SF3A1: variants seen among roughly 807,000 people sequenced by gnomAD.
SF3A1 encodes SAP 114.
In SF3A1, 13 loss-of-function variants were observed where a neutral mutation model predicts 89.9. The observed-to-expected ratio is 0.14, with a 90% confidence interval of 0.09 to 0.23. SF3A1 has a LOEUF of 0.23. Among genes scored for constraint, SF3A1 ranks in the 10% least tolerant of loss-of-function variants. SF3A1 has a pLI of 1.00. For missense variants in SF3A1, 604 were observed against 1,022.1 expected, an observed-to-expected ratio of 0.59 and a Z score of 5.58; for synonymous variants, 405 against 374.4, an observed-to-expected ratio of 1.08 and a Z score of -0.94.
rs1601690441 is a variant in SF3A1 at position 30,337,113 on chromosome 22, T to G, written c.2019A>C (p.Pro673=). ...AGGTGGGCTCATCTTCCATGGGAGG[T>G]GGGGGATGCACAGGGGGCATTGGGG... is the stretch of plus-strand genomic sequence containing the variant. ...APAPMPPVHP[P]PPMEDEPTSK... Residue 673 remains proline, a synonymous_variant, in exon 13 of 16, where the codon CCA becomes CCC. Transcript: ENST00000215793. 6.2e-7 allele frequency: 1 copy of G among 1,612,892 alleles called. No homozygotes were observed.
In SF3A1 at chr22:30,356,843, C is replaced by A. The variant is rs1931897263; in HGVS notation, c.-51G>T. ...CCGCCTCGGTGTCGGTGAGCGGTGC[C>A]GCCTCAAGACAGCCTCCCCGCTCGG... On this transcript the variant is annotated 5_prime_UTR_variant, in exon 1 of 16. Transcript: ENST00000215793. 3.1e-6 allele frequency: 4 copies of A among 1,279,424 alleles called. No homozygotes were observed. Among genetic ancestry groups the A allele is most frequent in the African/African-American group, 3.1e-5 (2 of 64,778 alleles). The allele number at this position is 1,279,424 out of a possible 1,614,324, so 79.3% of individuals were successfully genotyped here.
intron 7 of SF3A1, 37 bp downstream of exon 7, chr22:30,341,655 G>A (rs1415689405): frequency 1.9e-6 from 3 of 1,584,896 alleles, no homozygotes; most frequent in East Asian, 2.2e-5. Context: ...GGGCTTCAGG[G>A]GAAAAGGTCA....
At chr22:30,341,983 T>C (rs1016962805) in intron 6 of SF3A1, 98 bp from the exon 7 acceptor site, 1 of 1,272,442 alleles carries the variant, frequency 7.9e-7, no homozygotes, top group Admixed American at 2.3e-5. Flanking sequence ...CTGTTTTCTC[T>C]CCAGCTATCT....
chr22:30,337,798 C>T lies in SF3A1; in HGVS notation c.1843G>A (p.Ala615Thr), dbSNP rs750172653. The change falls in exon 12 of 16, where the codon GCC becomes ACC. Residue 615 changes from alanine to threonine, a missense_variant. Around this residue, in one of 9 missense-constraint regions of SF3A1, gnomAD observed 85 missense variants for 137.3 expected, o/e 0.62. Coordinates refer to ENST00000215793, the MANE Select transcript of SF3A1 (RefSeq NM_005877.6). ...VVRLPPGSVI[A>T]PMPPIIHAPR... is the part of the protein sequence containing the mutation. ...GCGTGGATGATGGGCGGCATGGGGG[C>T]GATCACTGAGCCTGGGGGCAGCCGG... 1.3e-4 allele frequency: 209 copies of T among 1,600,328 alleles called. No individual in the cohort carries two copies. The highest frequency in any genetic ancestry group is 1.7e-4 in the Non-Finnish European group (196 of 1,174,164).
intron 1 of SF3A1, 59 bp downstream of exon 1, chr22:30,356,671 G>C: frequency 2.3e-6 from 3 of 1,304,368 alleles, no homozygotes; most frequent in Non-Finnish European, 3.1e-6. Context: ...ATTCCTGTGC[G>C]AGTAAGGAGC....
In SF3A1 at chr22:30,333,455, T is replaced by C. The variant is rs2145797400; in HGVS notation, c.*1139A>G. On this transcript the variant is annotated 3_prime_UTR_variant, in exon 16 of 16. Transcript: ENST00000215793. Reference sequence around the variant, plus strand: ...CCTTAGCTTTAAAACCAGGAAATTGTTAGCAACAGGCTCTCACCTTCCTCC... The same window carrying C: ...CCTTAGCTTTAAAACCAGGAAATTGCTAGCAACAGGCTCTCACCTTCCTCC... 1 of 152,346 alleles carries C rather than the reference T, an allele frequency of 6.6e-6. No individual in the cohort carries two copies. Among genetic ancestry groups the C allele is most frequent in the South Asian group, 2.1e-4 (1 of 4,832 alleles). 9.4% of individuals were successfully genotyped at this position (152,346 alleles called of 1,614,324 possible). A position where few individuals can be genotyped will look rare whatever the true frequency, so the allele number is the denominator to read the frequency against.
chr22:30,337,287 G>A (rs1931098915), intron 12 of SF3A1, 107 bp from the exon 13 acceptor site: 2 of 1,100,822 alleles, frequency 1.8e-6, no homozygotes, highest in Non-Finnish European at 1.3e-6. Flanking sequence ...TCTAGTCAGA[G>A]GTGTCAAGTG....
intron 7 of SF3A1, 109 bp downstream of exon 7, chr22:30,341,583 G>T: frequency 1.7e-6 from 1 of 599,286 alleles, no homozygotes; most frequent in Non-Finnish European, 2.7e-6. Context: ...CAGGACCCAC[G>T]CCTCCTTTCA....
chr22:30,353,514 T>C (rs1931663239), intron 1 of SF3A1, among the ~76,000 whole-genome samples: 1 of 152,224 alleles, frequency 6.6e-6, no homozygotes, highest in Non-Finnish European at 1.5e-5. Flanking sequence ...GTTAAAATAA[T>C]AATAATATTA....
rs754550303 is a variant in SF3A1 at position 30,346,532 on chromosome 22, A to G, written c.186-13T>C. 6.2e-6 allele frequency: 10 copies of G among 1,613,748 alleles called. No homozygotes were observed. Among genetic ancestry groups the G allele is most frequent in the Middle Eastern group, 1.6e-4 (1 of 6,080 alleles). On this transcript the variant is annotated splice_polypyrimidine_tract_variant and intron_variant, in intron 2 of 15. Transcript: ENST00000215793. ...TTCAGGCCCGTTTCTGGAGGAAGAA[A>G]AAACAACAAGAATAAACACCACTCC... is the stretch of plus-strand genomic sequence containing the variant.
Position 30,341,738 on chromosome 22 carries a change from G to A in SF3A1, c.1025C>T (p.Pro342Leu), listed in dbSNP as rs1206056550. The change falls in exon 7 of 16, where the codon CCT becomes CTT. Residue 342 changes from proline to leucine, a missense_variant. Physicochemically the swap from Pro to Leu is moderately conservative, Grantham distance 98. Around this residue, in one of 9 missense-constraint regions of SF3A1, gnomAD observed 146 missense variants for 228.5 expected, o/e 0.64. Transcript: ENST00000215793. ...EDDKQEKAEE[P>L]PSQLDQDTQV... is the part of the protein sequence containing the mutation. ...GGTGTCCTGGTCCAGCTGGGAAGGA[G>A]GCTCCTCCGCCTTCTCCTGTTTGTC... The A allele has an allele frequency of 6.2e-7, 1 of 1,614,134 alleles. No homozygotes were observed. Among genetic ancestry groups the A allele is most frequent in the East Asian group, 2.2e-5 (1 of 44,864 alleles).
intron 11 of SF3A1, 63 bp downstream of exon 11, chr22:30,338,726 A>G (rs980733213): frequency 1.2e-6 from 2 of 1,606,906 alleles, no homozygotes; most frequent in Non-Finnish European, 1.7e-6. Flanking sequence ...TTCTCAGCCA[A>G]CAGTGTCCGA....
chr22:30,353,475 G>A (rs1055890913), intron 1 of SF3A1, among the ~76,000 whole-genome samples: 1 of 152,156 alleles, frequency 6.6e-6, no homozygotes, highest in African/African-American at 2.4e-5. Context: ...ATAGCTAGAC[G>A]ACCTTGGTGC....
In SF3A1 at chr22:30,342,282, C is replaced by T; in HGVS notation, c.795G>A (p.Glu265=). The T allele has an allele frequency of 6.2e-7, 1 of 1,614,216 alleles. No homozygotes were observed. Among genetic ancestry groups the T allele is most frequent in the Non-Finnish European group, 8.5e-7 (1 of 1,180,028 alleles). The part of the protein sequence containing the change: ...RERKKEEEEK[E]KERVAYAQID... ...TCTGAGCATAGGCCACCCGCTCCTT[C>T]TCCTTCTCCTCTTCTTCCTTCTTCC... is the stretch of plus-strand genomic sequence containing the variant. Residue 265 remains glutamate (E), a synonymous_variant, in exon 6 of 16, where the codon GAG becomes GAA. Transcript: ENST00000215793.
At chr22:30,346,923 T>C (rs959098099) in intron 2 of SF3A1, among the ~76,000 whole-genome samples, 1 of 152,134 alleles carries the variant, frequency 6.6e-6, no homozygotes, top group African/African-American at 2.4e-5. Context: ...GTGAACATAA[T>C]GAAAACAAAG....
intron 2 of SF3A1, chr22:30,352,491 A>T (rs1350534693): frequency 1.9e-5 from 3 of 155,618 alleles, no homozygotes; most frequent in African/African-American, 7.2e-5. Context: ...ACCCGCGTGG[A>T]ACTGAACTGC....
At chr22:30,336,169 TA>T (rs1931059746) in intron 13 of SF3A1, among the ~76,000 whole-genome samples, 1 of 152,190 alleles carries the variant, frequency 6.6e-6, no homozygotes, top group Non-Finnish European at 1.5e-5. Context: ...GAAGTGTCTG[TA>T]AAGTGCTTAG....
Position 30,356,801 on chromosome 22 carries a change from C to A in SF3A1, c.-9G>T. ...ACGGGTCCGGCCGGCATGACTGCGA[C>A]GCTCAGGGCTGCCAGTCCGCCTCGG... On this transcript the variant is annotated 5_prime_UTR_variant, in exon 1 of 16. Transcript: ENST00000215793. The A allele has an allele frequency of 1.4e-6, 2 of 1,380,616 alleles. No homozygotes were observed. The highest frequency in any genetic ancestry group is 1.9e-6 in the Non-Finnish European group (2 of 1,057,546). The allele number at this position is 1,380,616 out of a possible 1,614,324, so 85.5% of individuals were successfully genotyped here.
intron 4 of SF3A1, 140 bp downstream of exon 4, chr22:30,344,793 A>G: frequency 1.0e-6 from 1 of 959,796 alleles, no homozygotes; most frequent in Non-Finnish European, 1.6e-6. Flanking sequence ...GTTTTACATT[A>G]AACTGGGATT....
Sources: allele counts gnomAD v4.1 joint callset (sites outside exome capture counted in the v4.1 genomes callset), GRCh38; gene constraint gnomAD v4.1.1; regional missense constraint gnomAD v4.1.1; transcripts MANE v1.5; gene names NCBI Gene and HGNC (gene_info 2026-07-23, HGNC 2026-07-21).